MAP2K4: variants seen among roughly 807,000 people sequenced by gnomAD.
MAP2K4 encodes mitogen-activated protein kinase kinase 4.
A neutral mutation model predicts 48.5 loss-of-function variants in MAP2K4; 4 were observed. The observed-to-expected ratio is 0.08, with a 90% CI of 0.04 to 0.19. The LOEUF (loss-of-function observed/expected upper bound fraction) is 0.19. Ranked by LOEUF, MAP2K4 falls within the 10% of genes least tolerant of loss-of-function variation. The probability of loss-of-function intolerance (pLI) is 1.00; values close to 1 mark genes in which losing one functional copy is unlikely to be tolerated. For missense variants in MAP2K4, 258 were observed against 493.3 expected (o/e 0.52, Z 4.52); for synonymous variants, 166 against 173.1 (o/e 0.96, Z 0.32).
intron 2 of MAP2K4, among the ~76,000 whole-genome samples, chr17:12,055,889 T>A (rs1970270803): frequency 6.6e-6 from 1 of 152,086 alleles, no homozygotes; most frequent in Admixed American, 6.5e-5. Context: ...ATAAAAAGTG[T>A]AGTAACAATT....
chr17:12,069,145 C>G, intron 2 of MAP2K4, among the ~76,000 whole-genome samples: 1 of 152,142 alleles, frequency 6.6e-6, no homozygotes, highest in East Asian at 1.9e-4. Flanking sequence ...GTCTAATGTT[C>G]TGAGAATGCT....
chr17:12,123,755 C>G (rs922766485), intron 7 of MAP2K4, among the ~76,000 whole-genome samples: 1 of 152,072 alleles, frequency 6.6e-6, no homozygotes, highest in African/African-American at 2.4e-5. Context: ...AATTTTTTAA[C>G]TATTTCTTGA....
At chr17:12,126,119 C>T (rs1413588098) in intron 8 of MAP2K4, among the ~76,000 whole-genome samples, 1 of 152,152 alleles carries the variant, frequency 6.6e-6, no homozygotes, top group African/African-American at 2.4e-5. Flanking sequence ...AATCACCTCC[C>T]ACCAGGCCGC....
At chr17:12,023,270 C>T (rs1969149637) in intron 1 of MAP2K4, among the ~76,000 whole-genome samples, 2 of 152,130 alleles carry the variant, frequency 1.3e-5, no homozygotes, top group South Asian at 2.1e-4. Context: ...AATTTAGGAT[C>T]CTTCTTTTTG....
In MAP2K4 at chr17:12,101,780, T is replaced by C. The variant is rs80088260; in HGVS notation, c.514-6010T>C. ...GTTGCCCTTAAGTGTATAATATTTT[T>C]AATGCTAATACGTATTTTTAAATTT... On this transcript the variant is annotated intron_variant, in intron 4 of 10. Coordinates refer to ENST00000353533, the MANE Select transcript of MAP2K4 (RefSeq NM_003010.4). Among the ~76,000 whole-genome samples the C allele has an allele frequency of 2.6e-5, 4 of 152,284 alleles. No individual in the cohort carries two copies. The East Asian group carries it at 5.8e-4, about 22-fold the overall frequency.
At chr17:12,053,807 G>A (rs555262850) in intron 1 of MAP2K4, among the ~76,000 whole-genome samples, 14 of 152,114 alleles carry the variant, frequency 9.2e-5, no homozygotes, top group African/African-American at 2.2e-4. Context: ...GTGTGGCTCC[G>A]TCAGATTTTC....
intron 1 of MAP2K4, among the ~76,000 whole-genome samples, chr17:12,048,718 G>A (rs772450425): frequency 4.6e-5 from 7 of 151,834 alleles, no homozygotes; most frequent in Non-Finnish European, 1.0e-4. Context: ...GTGCAATGGC[G>A]CGATCTCTGC....
intron 7 of MAP2K4, among the ~76,000 whole-genome samples, chr17:12,121,574 C>CAAAA (rs10569548): frequency 2.0e-5 from 2 of 101,528 alleles, no homozygotes; most frequent in African/African-American, 4.0e-5. Flanking sequence ...GACTCCGTCT[C>CAAAA]AAAAAAAAAA....
intron 2 of MAP2K4, among the ~76,000 whole-genome samples, chr17:12,066,569 G>T (rs1385237588): frequency 1.3e-5 from 2 of 151,730 alleles, no homozygotes; most frequent in African/African-American, 2.4e-5. Context: ...TCTCACTCTT[G>T]CCCAGGCTGG....
At chr17:12,082,482 T>A (rs1455043373) in intron 3 of MAP2K4, among the ~76,000 whole-genome samples, 2 of 152,216 alleles carry the variant, frequency 1.3e-5, no homozygotes, top group African/African-American at 4.8e-5. Context: ...ATCTTCCTAT[T>A]AGTGTCCTAT....
chr17:12,141,199 A>G lies in MAP2K4; in HGVS notation c.1139A>G (p.Tyr380Cys). 6.2e-7 allele frequency: 1 copy of G among 1,613,866 alleles called. No individual in the cohort carries two copies. The highest frequency in any genetic ancestry group is 8.5e-7 in the Non-Finnish European group (1 of 1,179,770). ...GAACGTGCCGTTGAGGTCGCATGCT[A>G]TGTTTGTAAAATCCTGGATCAAATG... ...YEERAVEVAC[Y>C]VCKILDQMPA... The change falls in exon 11 of 11, where the codon TAT (tyrosine) becomes TGT (cysteine). Residue 380 changes from tyrosine (Y) to cysteine (C), a missense_variant. By Grantham distance (194) the Tyr-to-Cys change is radical (BLOSUM62 -2). Transcript: ENST00000353533.
intron 6 of MAP2K4, among the ~76,000 whole-genome samples, chr17:12,111,456 G>C (rs1359419006): frequency 2.0e-5 from 3 of 149,406 alleles, no homozygotes; most frequent in African/African-American, 7.4e-5. Flanking sequence ...TGTTTCTCTT[G>C]TATTTCTTCT....
chr17:12,055,401 C>A (rs1970253812), intron 2 of MAP2K4, among the ~76,000 whole-genome samples: 2 of 152,038 alleles, frequency 1.3e-5, no homozygotes, highest in African/African-American at 4.8e-5. Flanking sequence ...TAACATAAAG[C>A]AATACCTTCA....
intron 6 of MAP2K4, 123 bp downstream of exon 6, chr17:12,110,549 A>C (rs1972271471): frequency 1.4e-6 from 1 of 694,292 alleles, no homozygotes; most frequent in Non-Finnish European, 2.5e-6. Flanking sequence ...TTTTTAGCAA[A>C]AAATGCTTTA....
At position 12,081,057 on chromosome 17, in the gene MAP2K4, A is replaced by G. The variant is rs2151548394; in HGVS notation, c.219-299A>G. Among the ~76,000 whole-genome samples, 1 of 152,318 alleles carries G rather than the reference A, an allele frequency of 6.6e-6. No individual in the cohort carries two copies. Among genetic ancestry groups the G allele is most frequent in the East Asian group, 1.9e-4 (1 of 5,180 alleles). ...AGTTTGAATAAGATCTTATATTTAGAAATGAAAACTGATCTGCAGAATTAG... is the reference window on the plus strand; with the variant it reads ...AGTTTGAATAAGATCTTATATTTAGGAATGAAAACTGATCTGCAGAATTAG... On this transcript the variant is annotated intron_variant, in intron 2 of 10. Transcript: ENST00000353533. The surrounding 1 kb of genome is among the most constrained non-coding windows in gnomAD (Gnocchi z 4.2).
intron 1 of MAP2K4, among the ~76,000 whole-genome samples, chr17:12,045,603 T>TA (rs1969936417): frequency 6.6e-6 from 1 of 152,254 alleles, no homozygotes; most frequent in Non-Finnish European, 1.5e-5. Context: ...AAGCATCAGT[T>TA]ATGTGGATGG....
intron 1 of MAP2K4, among the ~76,000 whole-genome samples, chr17:12,044,466 A>G (rs1036639799): frequency 1.3e-5 from 2 of 152,242 alleles, no homozygotes; most frequent in Non-Finnish European, 2.9e-5. Flanking sequence ...GCTTTCTTGT[A>G]TAGTTAATAA....
At chr17:12,090,108 T>C (rs964147299) in intron 3 of MAP2K4, among the ~76,000 whole-genome samples, 2 of 152,206 alleles carry the variant, frequency 1.3e-5, no homozygotes, top group African/African-American at 2.4e-5. Context: ...ATCCGATCCT[T>C]TTTTACTCTT....
At chr17:12,062,021 A>G (rs933316385) in intron 2 of MAP2K4, among the ~76,000 whole-genome samples, 2 of 151,742 alleles carry the variant, frequency 1.3e-5, no homozygotes, top group African/African-American at 4.8e-5. Flanking sequence ...CTCTCAACAT[A>G]GTTAAATACA....
Sources: gnomAD v4.1 joint callset for allele counts (sites outside exome capture counted in the v4.1 genomes callset) on GRCh38, gnomAD v4.1.1 for gene constraint, Gnocchi (gnomAD v3.1) non-coding constraint, MANE v1.5 for transcripts, NCBI Gene and HGNC (gene_info 2026-07-23, HGNC 2026-07-21) for gene names.